The following CSMD1 variants were observed in gnomAD, a reference collection of about 807,000 sequenced individuals.
CSMD1 encodes CUB and Sushi multiple domains 1, also known as CUB and sushi domain-containing protein 1.
CSMD1 carries 213 observed loss-of-function variants against 417.5 expected under a neutral mutation model. The observed-to-expected ratio is 0.51, with a 90% CI of 0.46 to 0.57. The LOEUF (loss-of-function observed/expected upper bound fraction) is 0.57, where lower values mean the gene tolerates loss of function less well. Ranked by LOEUF, CSMD1 falls within the 20% of genes least tolerant of loss-of-function variation. CSMD1 has a pLI of 0.00. For synonymous variants in CSMD1, 2,862 were observed against 1,736.8 expected, an observed-to-expected ratio of 1.65 and a Z score of -16.11; for missense variants, 6,923 against 4,529.7, an observed-to-expected ratio of 1.53 and a Z score of -15.17.
intron 25 of CSMD1, among the ~76,000 whole-genome samples, chr8:3,288,308 T>G (rs12716594): frequency 6.8e-6 from 1 of 146,074 alleles, no homozygotes; most frequent in Non-Finnish European, 1.5e-5. Flanking sequence ...GAGGATGATG[T>G]TGGCCTCATA....
chr8:4,090,461 G>T (rs536246769), intron 3 of CSMD1, among the ~76,000 whole-genome samples: 1 of 152,086 alleles, frequency 6.6e-6, no homozygotes, highest in East Asian at 1.9e-4. Flanking sequence ...ACATGGGAAG[G>T]TTTTAAAATA....
chr8:4,097,371 C>T (rs771496334), intron 3 of CSMD1, among the ~76,000 whole-genome samples: 1 of 152,184 alleles, frequency 6.6e-6, no homozygotes, highest in Non-Finnish European at 1.5e-5. Context: ...AGAATGCTTA[C>T]CACACACGGG....
At chr8:3,958,646 C>G (rs892342762) in intron 5 of CSMD1, among the ~76,000 whole-genome samples, 1 of 152,042 alleles carries the variant, frequency 6.6e-6, no homozygotes, top group African/African-American at 2.4e-5. Flanking sequence ...TTGTAAAATA[C>G]AAATTAGCCT....
At chr8:3,914,973 A>C (rs1808716276) in intron 5 of CSMD1, among the ~76,000 whole-genome samples, 1 of 152,180 alleles carries the variant, frequency 6.6e-6, no homozygotes, top group Non-Finnish European at 1.5e-5. Flanking sequence ...CAGTGTGATG[A>C]AAGCTGAACG....
intron 23 of CSMD1, among the ~76,000 whole-genome samples, chr8:3,337,451 G>A (rs1191017726): frequency 6.6e-6 from 1 of 152,132 alleles, no homozygotes; most frequent in Non-Finnish European, 1.5e-5. Context: ...ATTTAAGCTT[G>A]CGTTTATTTT....
chr8:3,679,119 G>A (rs547851465), intron 7 of CSMD1, among the ~76,000 whole-genome samples: 1 of 152,186 alleles, frequency 6.6e-6, no homozygotes, highest in East Asian at 1.9e-4. Context: ...GAAGAAAACT[G>A]TATCAACTAA....
intron 3 of CSMD1, among the ~76,000 whole-genome samples, chr8:4,180,868 A>G (rs1798332266): frequency 6.6e-6 from 1 of 152,178 alleles, no homozygotes; most frequent in Non-Finnish European, 1.5e-5. Flanking sequence ...ACGATACTAA[A>G]TTCTGAACTT....
At chr8:4,146,968 C>G (rs537553463) in intron 3 of CSMD1, among the ~76,000 whole-genome samples, 8 of 152,072 alleles carry the variant, frequency 5.3e-5, no homozygotes, top group African/African-American at 1.9e-4. Flanking sequence ...GCATCTTCAT[C>G]AGGTAAGAGC....
chr8:4,412,184 G>C (rs116537008), intron 3 of CSMD1, among the ~76,000 whole-genome samples: 1 of 152,090 alleles, frequency 6.6e-6, no homozygotes. Flanking sequence ...ATCTGTCAAC[G>C]TGCAAACCTC....
At chr8:3,627,752 C>T (rs1012225422) in intron 7 of CSMD1, among the ~76,000 whole-genome samples, 5 of 152,110 alleles carry the variant, frequency 3.3e-5, no homozygotes, top group Non-Finnish European at 7.4e-5. Context: ...TATTACTTTG[C>T]TGAAGAAATG....
chr8:4,824,446 T>C (rs972247629), intron 1 of CSMD1, among the ~76,000 whole-genome samples: 3 of 152,118 alleles, frequency 2.0e-5, no homozygotes, highest in African/African-American at 4.8e-5. Flanking sequence ...AAAAATTGTA[T>C]AATTAAAGAA....
At chr8:3,813,419 G>C (rs560412053) in intron 5 of CSMD1, among the ~76,000 whole-genome samples, 2 of 152,122 alleles carry the variant, frequency 1.3e-5, no homozygotes, top group Non-Finnish European at 2.9e-5. Context: ...CTAGGGGCCT[G>C]TAAAAGAACT....
chr8:4,994,181 T>A, intron 1 of CSMD1, 151 bp downstream of exon 1: 1 of 659,850 alleles, frequency 1.5e-6, no homozygotes, highest in Non-Finnish European at 2.6e-6. Context: ...CTCCCTCCCG[T>A]GCATCGCGTT....
intron 1 of CSMD1, among the ~76,000 whole-genome samples, chr8:4,904,992 G>C (rs1197478822): frequency 6.6e-6 from 1 of 152,118 alleles, no homozygotes; most frequent in Non-Finnish European, 1.5e-5. Context: ...AATTTGCAAA[G>C]GTATTACTCA....
At chr8:4,055,675 A>G (rs1798654196) in intron 3 of CSMD1, among the ~76,000 whole-genome samples, 1 of 152,188 alleles carries the variant, frequency 6.6e-6, no homozygotes, top group South Asian at 2.1e-4. Flanking sequence ...AAATGCCACC[A>G]AAGTAACAAT....
At chr8:3,447,247 T>C (rs372475060) in intron 12 of CSMD1, among the ~76,000 whole-genome samples, 1 of 151,796 alleles carries the variant, frequency 6.6e-6, no homozygotes, top group Non-Finnish European at 1.5e-5. Context: ...TAACAGAAAA[T>C]AGCAGCACAC....
intron 5 of CSMD1, among the ~76,000 whole-genome samples, chr8:3,788,847 G>A (rs1038623938): frequency 1.3e-5 from 2 of 152,040 alleles, no homozygotes. Flanking sequence ...CTAACATTCT[G>A]GGGTAGAAAT....
At chr8:4,416,663 T>C (rs1227251156) in intron 3 of CSMD1, among the ~76,000 whole-genome samples, 1 of 152,056 alleles carries the variant, frequency 6.6e-6, no homozygotes, top group Non-Finnish European at 1.5e-5. Context: ...AGAGAGGCTC[T>C]TTGGGGAACA....
In CSMD1 at chr8:3,494,567, GATAGA is replaced by G. The variant is rs1563092032; in HGVS notation, c.1345-846_1345-842del. Among the ~76,000 whole-genome samples the G allele has an allele frequency of 3.5e-3, 379 of 109,312 alleles. 1 individual carries two copies. Among genetic ancestry groups the G allele is most frequent in the African/African-American group, 0.012 (352 of 30,176 alleles). 71.7% of individuals were successfully genotyped at this position (109,312 alleles called of 152,430 possible). On this transcript the variant is annotated intron_variant, in intron 10 of 69. Coordinates refer to ENST00000635120, the MANE Select transcript of CSMD1 (RefSeq NM_033225.6). ...AGACAGATTAGATGATAGATAGATA[GATAGA>G]TAGATAGATAGATAGATAGATAGAT...
Sources: allele counts gnomAD v4.1 joint callset (sites outside exome capture counted in the v4.1 genomes callset), GRCh38; gene constraint gnomAD v4.1.1; transcripts MANE v1.5; gene names NCBI Gene and HGNC (gene_info 2026-07-23, HGNC 2026-07-21).